Variants in DMD observed in about 807,000 individuals in gnomAD.
DMD encodes the protein mutant dystrophin.
Under a neutral mutation model 330.1 loss-of-function variants are expected in DMD, and 63 were observed. The observed-to-expected ratio is 0.19, with a 90% confidence interval of 0.16 to 0.24. DMD has a LOEUF of 0.24. Ranked by LOEUF, DMD falls within the 10% of genes least tolerant of loss-of-function variation. DMD has a pLI of 1.00. For synonymous variants in DMD, 1,223 were observed against 959.8 expected (o/e 1.27, Z -5.07); for missense variants, 3,344 against 2,684.1 (o/e 1.25, Z -5.43).
At chrX:31,172,059 A>T (rs898252952) in intron 73 of DMD, among the ~76,000 whole-genome samples, 8 of 111,767 alleles carry the variant, frequency 7.2e-5, no homozygotes, top group Non-Finnish European at 1.5e-4. Context: ...ATTAAGCATT[A>T]CTATAAATAC....
At chrX:31,890,114 TTA>T (rs1377142890) in intron 47 of DMD, among the ~76,000 whole-genome samples, 2 of 110,021 alleles carry the variant, frequency 1.8e-5, no homozygotes, top group Non-Finnish European at 3.8e-5. Context: ...CTTTTTACTT[TTA>T]TATAAATCAC....
intron 1 of DMD, among the ~76,000 whole-genome samples, chrX:33,051,646 A>ATTTTCTTTTTTTTT (rs2094458418): frequency 1.4e-5 from 1 of 71,959 alleles, no homozygotes; most frequent in African/African-American, 6.5e-5. Flanking sequence ...ATTACGCTCT[A>ATTTTCTTTTTTTTT]TTTTTTTTTT....
intron 62 of DMD, chrX:31,266,979 G>C (rs993106966): frequency 8.6e-6 from 8 of 933,862 alleles, no homozygotes; most frequent in Non-Finnish European, 1.1e-5. Context: ...GGGCGGGCCG[G>C]GGAGGGGGCG....
chrX:32,536,264 CAAAAAAA>C (rs1191335690), intron 17 of DMD, among the ~76,000 whole-genome samples: 3 of 36,374 alleles, frequency 8.2e-5, no homozygotes, highest in African/African-American at 3.6e-4. Flanking sequence ...ACTCCGTCTC[CAAAAAAA>C]AAAAAAAAAA....
At chrX:31,242,154 G>T (rs774230142) in intron 63 of DMD, among the ~76,000 whole-genome samples, 178 of 106,709 alleles carry the variant, frequency 1.7e-3, no homozygotes, top group African/African-American at 5.8e-3. Flanking sequence ...TGCCTGGGGG[G>T]CTGAGGCAGG....
At chrX:32,687,933 T>G (rs1161958950) in intron 9 of DMD, among the ~76,000 whole-genome samples, 1 of 110,983 alleles carries the variant, frequency 9.0e-6, no homozygotes, top group African/African-American at 3.3e-5. Flanking sequence ...GAATTCTTAC[T>G]TCCATAAAGA....
At chrX:32,014,571 A>G (rs1164527522) in intron 44 of DMD, among the ~76,000 whole-genome samples, 1 of 111,698 alleles carries the variant, frequency 9.0e-6, no homozygotes, top group Non-Finnish European at 1.9e-5. Context: ...TCTCTATAGT[A>G]CAGTTTTCTC....
At chrX:32,170,543 A>T (rs1321153992) in intron 44 of DMD, among the ~76,000 whole-genome samples, 2 of 109,121 alleles carry the variant, frequency 1.8e-5, no homozygotes, top group Non-Finnish European at 3.8e-5. Flanking sequence ...ACCTAAACGT[A>T]GTAGTGGCTT....
At chrX:33,142,247 G>A (rs192716647) in intron 1 of DMD, among the ~76,000 whole-genome samples, 10 of 111,605 alleles carry the variant, frequency 9.0e-5, no homozygotes, top group Non-Finnish European at 1.3e-4. Context: ...CACCATGCTC[G>A]GCTAATTTTG....
chrX:32,923,363 C>G (rs1173054371), intron 2 of DMD, among the ~76,000 whole-genome samples: 1 of 110,166 alleles, frequency 9.1e-6, no homozygotes, highest in Non-Finnish European at 1.9e-5. Context: ...GAGTTCGAGA[C>G]CAGCCTGGCC....
upstream of DMD, among the ~76,000 whole-genome samples, chrX:33,214,816 G>A (rs781525962): frequency 1.8e-5 from 2 of 111,251 alleles, no homozygotes; most frequent in African/African-American, 3.3e-5. Context: ...ACCATATTCA[G>A]CTAATTTAAT....
rs201162726 is a variant in DMD at position 32,667,767 on chromosome X, G to GTTT, written c.961-22618_961-22616dup. ...AGTTCTCACCATTCTCTGCTTTTGT[G>GTTT]TTTTTTTTTTTTTTTTTTCCAGTTT... is the stretch of plus-strand genomic sequence containing the variant. On this transcript the variant is annotated intron_variant, in intron 9 of 78. Transcript: ENST00000357033. Among the ~76,000 whole-genome samples, 658 of 81,655 alleles carry GTTT rather than the reference G, an allele frequency of 8.1e-3. 9 individuals carry two copies. The highest frequency in any genetic ancestry group is 0.025 in the Admixed American group (182 of 7,284). 70.9% of individuals were successfully genotyped at this position (81,655 alleles called of 115,157 possible). A position where few individuals can be genotyped will look rare whatever the true frequency, so the allele number is the denominator to read the frequency against.
chrX:31,626,529 C>T (rs2078856952), intron 55 of DMD, among the ~76,000 whole-genome samples: 1 of 111,186 alleles, frequency 9.0e-6, no homozygotes, highest in African/African-American at 3.3e-5. Context: ...AATGATCAAA[C>T]TAACTCAACA....
intron 1 of DMD, among the ~76,000 whole-genome samples, chrX:33,225,083 C>A (rs899998568): frequency 9.0e-6 from 1 of 110,746 alleles, no homozygotes; most frequent in Non-Finnish European, 1.9e-5. Context: ...ATATTGTGCT[C>A]GTGGATTGAG....
intron 17 of DMD, among the ~76,000 whole-genome samples, chrX:32,533,961 T>C (rs920983106): frequency 8.9e-6 from 1 of 112,061 alleles, no homozygotes; most frequent in Non-Finnish European, 1.9e-5. Flanking sequence ...CATTTCAATC[T>C]GACGTGTACT....
intron 51 of DMD, among the ~76,000 whole-genome samples, chrX:31,736,025 G>C (rs921355268): frequency 1.8e-5 from 2 of 111,204 alleles, no homozygotes; most frequent in African/African-American, 6.5e-5. Context: ...CAAGGGCCCT[G>C]CGTTTTCATT....
chrX:32,508,254 A>C (rs2044844877), intron 18 of DMD, among the ~76,000 whole-genome samples: 1 of 111,240 alleles, frequency 9.0e-6, no homozygotes, highest in Non-Finnish European at 1.9e-5. Flanking sequence ...CATATTTGTC[A>C]ATGTTCAGAC....
intron 1 of DMD, among the ~76,000 whole-genome samples, chrX:33,265,468 G>T (rs781758977): frequency 9.0e-6 from 1 of 111,318 alleles, no homozygotes; most frequent in East Asian, 2.8e-4. Flanking sequence ...GAGAATTTAC[G>T]TTAATGTCTT....
At chrX:32,289,685 T>C (rs2148469340) in intron 42 of DMD, among the ~76,000 whole-genome samples, 1 of 111,682 alleles carries the variant, frequency 9.0e-6, no homozygotes, top group Non-Finnish European at 1.9e-5. Flanking sequence ...TTATAATGCA[T>C]TAGCAGGCTA....
Sources: gnomAD v4.1 joint callset for allele counts (sites outside exome capture counted in the v4.1 genomes callset) on GRCh38, gnomAD v4.1.1 for gene constraint, MANE v1.5 for transcripts, NCBI Gene and HGNC (gene_info 2026-07-23, HGNC 2026-07-21) for gene names.